Variants in LHFPL2 observed in about 807,000 individuals in gnomAD.
LHFPL2 encodes LHFPL tetraspan subfamily member 2 protein.
In LHFPL2, 7 loss-of-function variants were observed where a neutral mutation model predicts 17.5. That is an observed-to-expected ratio of 0.40 (90% CI 0.23 to 0.75). The LOEUF is 0.75. Among genes scored for constraint, LHFPL2 ranks in the 30% least tolerant of loss-of-function variants. LHFPL2 has a pLI of 0.37. For missense variants in LHFPL2, 241 were observed against 294.8 expected (o/e 0.82, Z 1.34); for synonymous variants, 134 against 116.2 (o/e 1.15, Z -0.99).
intron 2 of LHFPL2, among the ~76,000 whole-genome samples, chr5:78,610,975 C>T (rs1744405906): frequency 6.6e-6 from 1 of 151,854 alleles, no homozygotes; most frequent in Non-Finnish European, 1.5e-5. Flanking sequence ...GAGCCACAGG[C>T]ACAGGGAGTG....
At chr5:78,631,433 T>C (rs2112513682) in intron 2 of LHFPL2, among the ~76,000 whole-genome samples, 1 of 152,322 alleles carries the variant, frequency 6.6e-6, no homozygotes, top group Middle Eastern at 3.4e-3. Flanking sequence ...ATTGAAAATC[T>C]GCTCCATGCC....
chr5:78,504,211 AG>A (rs1754863733), intron 4 of LHFPL2, among the ~76,000 whole-genome samples: 1 of 152,208 alleles, frequency 6.6e-6, no homozygotes, highest in East Asian at 1.9e-4. Context: ...TGTGCTCACC[AG>A]GAACAAAAGG....
chr5:78,524,597 C>T (rs1026323382), intron 3 of LHFPL2, among the ~76,000 whole-genome samples: 5 of 152,064 alleles, frequency 3.3e-5, no homozygotes, highest in African/African-American at 9.7e-5. Flanking sequence ...CAAAAATTAG[C>T]CAGGTGTGGT....
chr5:78,502,921 AT>A (rs1380448124), intron 4 of LHFPL2, among the ~76,000 whole-genome samples: 1 of 151,006 alleles, frequency 6.6e-6, no homozygotes, highest in South Asian at 2.2e-4. Context: ...ATTTGTACTG[AT>A]TCTTAAAGCA....
chr5:78,559,189 A>G (rs1330128601), intron 3 of LHFPL2, among the ~76,000 whole-genome samples: 1 of 152,206 alleles, frequency 6.6e-6, no homozygotes, highest in East Asian at 1.9e-4. Context: ...TTTGGCTTAA[A>G]AGAAATTTTG....
intron 3 of LHFPL2, among the ~76,000 whole-genome samples, chr5:78,517,115 C>T (rs1755316248): frequency 6.6e-6 from 1 of 152,196 alleles, no homozygotes; most frequent in Non-Finnish European, 1.5e-5. Context: ...ACAAGGTAGA[C>T]CTATAAGATT....
At chr5:78,585,282 C>T (rs764193460) in intron 2 of LHFPL2, among the ~76,000 whole-genome samples, 1 of 87,450 alleles carries the variant, frequency 1.1e-5, no homozygotes, top group Non-Finnish European at 2.7e-5. Flanking sequence ...GCTGGGATTA[C>T]AGGCGTGAGC....
At chr5:78,530,878 A>G (rs1755763681) in intron 3 of LHFPL2, among the ~76,000 whole-genome samples, 1 of 152,190 alleles carries the variant, frequency 6.6e-6, no homozygotes, top group South Asian at 2.1e-4. Flanking sequence ...CCCTTCAACT[A>G]CAAGTTTACT....
chr5:78,574,670 C>A (rs147253210), intron 2 of LHFPL2, among the ~76,000 whole-genome samples: 8 of 152,332 alleles, frequency 5.3e-5, no homozygotes, highest in African/African-American at 1.9e-4. Flanking sequence ...GGTAAACAAC[C>A]ACCTACAATT....
At chr5:78,497,785 A>T (rs1005551742) in intron 4 of LHFPL2, among the ~76,000 whole-genome samples, 1 of 152,250 alleles carries the variant, frequency 6.6e-6, no homozygotes, top group Non-Finnish European at 1.5e-5. Flanking sequence ...GGTCTTTTGC[A>T]TAACTGCCTG....
intron 4 of LHFPL2, among the ~76,000 whole-genome samples, chr5:78,490,106 A>G (rs184670300): frequency 2.0e-4 from 30 of 152,372 alleles, no homozygotes; most frequent in Non-Finnish European, 4.1e-4. Context: ...GCGTACTTTT[A>G]AGAGAGTGGA....
chr5:78,518,600 C>T (rs542726915), intron 3 of LHFPL2, among the ~76,000 whole-genome samples: 4 of 152,302 alleles, frequency 2.6e-5, no homozygotes, highest in Middle Eastern at 3.4e-3. Context: ...GAATACAGAA[C>T]GATCCTTCAA....
chr5:78,639,846 A>G (rs1213270410), intron 1 of LHFPL2, among the ~76,000 whole-genome samples: 1 of 152,234 alleles, frequency 6.6e-6, no homozygotes, highest in African/African-American at 2.4e-5. Context: ...TTAAGAAGTT[A>G]TTTTGCCCTT....
chr5:78,576,929 T>C (rs377529233), intron 2 of LHFPL2, among the ~76,000 whole-genome samples: 23 of 152,260 alleles, frequency 1.5e-4, no homozygotes, highest in African/African-American at 4.6e-4. Context: ...AACTTGATCA[T>C]TGGCAATGCA....
intron 2 of LHFPL2, among the ~76,000 whole-genome samples, chr5:78,578,136 C>G (rs1036925493): frequency 6.6e-6 from 1 of 152,186 alleles, no homozygotes; most frequent in African/African-American, 2.4e-5. Flanking sequence ...GGAACTTGGA[C>G]AGAATCACAA....
At chr5:78,563,700 CAA>C (rs1198192351) in intron 3 of LHFPL2, among the ~76,000 whole-genome samples, 56 of 93,144 alleles carry the variant, frequency 6.0e-4, no homozygotes, top group Non-Finnish European at 5.9e-4. Flanking sequence ...GACTCCACTT[CAA>C]AAAAAAAAAA....
chr5:78,543,115 G>A (rs1352464306), intron 3 of LHFPL2, among the ~76,000 whole-genome samples: 1 of 152,152 alleles, frequency 6.6e-6, no homozygotes, highest in Admixed American at 6.5e-5. Context: ...ATAAAAGATG[G>A]TGGGGGGCTA....
At chr5:78,502,811 T>A (rs1754813077) in intron 4 of LHFPL2, among the ~76,000 whole-genome samples, 1 of 152,250 alleles carries the variant, frequency 6.6e-6, no homozygotes, top group African/African-American at 2.4e-5. Context: ...AACCAGGTGC[T>A]GTCTTTTCAA....
At chr5:78,543,281 G>A (rs570993100) in intron 3 of LHFPL2, among the ~76,000 whole-genome samples, 3 of 152,272 alleles carry the variant, frequency 2.0e-5, no homozygotes, top group East Asian at 1.9e-4. Context: ...CTCTGCAACA[G>A]AGACAGCCAT....
Sources: gnomAD v4.1 joint callset for allele counts (sites outside exome capture counted in the v4.1 genomes callset) on GRCh38, gnomAD v4.1.1 for gene constraint, MANE v1.5 for transcripts, NCBI Gene and HGNC (gene_info 2026-07-23, HGNC 2026-07-21) for gene names.